DMD: variants seen among roughly 807,000 people sequenced by gnomAD.
DMD encodes the protein dystrophin, also known as mutant dystrophin.
A neutral mutation model predicts 330.1 loss-of-function variants in DMD; 63 were observed. The observed-to-expected ratio is 0.19, with a 90% confidence interval of 0.16 to 0.24. The LOEUF (loss-of-function observed/expected upper bound fraction) is 0.24. DMD is among the 10% of genes least tolerant of loss of function. DMD has a pLI of 1.00. For synonymous variants in DMD, 1,223 were observed against 959.8 expected (o/e 1.27, Z -5.07); for missense variants, 3,344 against 2,684.1 (o/e 1.25, Z -5.43).
intron 47 of DMD, among the ~76,000 whole-genome samples, chrX:31,885,559 G>A (rs1332812470): frequency 2.1e-5 from 2 of 97,132 alleles, no homozygotes; most frequent in East Asian, 3.2e-4. Context: ...GCAGTGAGCC[G>A]AGATCGCGCC....
intron 51 of DMD, among the ~76,000 whole-genome samples, chrX:31,767,418 G>GC (rs201646743): frequency 2.5e-4 from 22 of 87,656 alleles, no homozygotes; most frequent in Admixed American, 1.6e-3. Context: ...AAGAAGTTGA[G>GC]GGGGGTGGCT....
At chrX:33,323,230 T>C (rs1234206965) in intron 1 of DMD, among the ~76,000 whole-genome samples, 1 of 112,137 alleles carries the variant, frequency 8.9e-6, no homozygotes, top group Non-Finnish European at 1.9e-5. Context: ...TTACATCTAA[T>C]ACTGGTTGGA....
At chrX:31,707,241 A>C (rs1008879492) in intron 52 of DMD, among the ~76,000 whole-genome samples, 5 of 110,940 alleles carry the variant, frequency 4.5e-5, no homozygotes, top group Non-Finnish European at 9.4e-5. Context: ...GAAATAGCTA[A>C]TATGAGATGT....
intron 19 of DMD, among the ~76,000 whole-genome samples, chrX:32,500,752 G>C (rs1430572632): frequency 9.0e-6 from 1 of 111,551 alleles, no homozygotes; most frequent in Non-Finnish European, 1.9e-5. Context: ...ATATTTGTTT[G>C]TTTTCATTTT....
intron 21 of DMD, among the ~76,000 whole-genome samples, chrX:32,477,929 G>A (rs766974981): frequency 1.8e-5 from 2 of 111,392 alleles, no homozygotes; most frequent in African/African-American, 3.2e-5. Flanking sequence ...ACCAGATATT[G>A]GACAGTTCAT....
intron 2 of DMD, among the ~76,000 whole-genome samples, chrX:32,958,199 G>C (rs1311405259): frequency 9.0e-6 from 1 of 111,400 alleles, no homozygotes; most frequent in African/African-American, 3.3e-5. Flanking sequence ...GTAGCTATCT[G>C]TGTTTATGGT....
At chrX:31,968,624 A>T in intron 44 of DMD, 110 bp from the exon 45 acceptor site, 1 of 846,820 alleles carries the variant, frequency 1.2e-6, no homozygotes, top group Non-Finnish European at 1.7e-6. Flanking sequence ...AGAAAGAAAT[A>T]CAAAAGCTCC....
At chrX:32,051,366 C>T (rs2096113595) in intron 44 of DMD, among the ~76,000 whole-genome samples, 1 of 109,963 alleles carries the variant, frequency 9.1e-6, no homozygotes, top group Non-Finnish European at 1.9e-5. Flanking sequence ...TTTTTAATTT[C>T]AATTATGTAT....
chrX:32,604,497 A>G (rs138472006), intron 12 of DMD, among the ~76,000 whole-genome samples: 2 of 110,167 alleles, frequency 1.8e-5, no homozygotes, highest in South Asian at 7.8e-4. Flanking sequence ...CTACAACAAG[A>G]CAAGGATACC....
At chrX:33,051,644 C>CTTTTTTTTTTT (rs1569551755) in intron 1 of DMD, among the ~76,000 whole-genome samples, 1 of 80,703 alleles carries the variant, frequency 1.2e-5, no homozygotes, top group African/African-American at 6.1e-5. Context: ...TAATTACGCT[C>CTTTTTTTTTTT]TATTTTTTTT....
chrX:32,479,632 T>C (rs2041620157), intron 21 of DMD, among the ~76,000 whole-genome samples: 1 of 110,152 alleles, frequency 9.1e-6, no homozygotes, highest in African/African-American at 3.3e-5. Flanking sequence ...TTAAAGACTG[T>C]ATAGTATTCC....
chrX:32,272,923 T>C (rs1302523919), intron 43 of DMD, among the ~76,000 whole-genome samples: 1 of 106,327 alleles, frequency 9.4e-6, no homozygotes, highest in African/African-American at 3.9e-5. Context: ...GCTAATTAAA[T>C]TTAGGTAACT....
rs1311803903 is a variant in DMD, at chrX:32,942,114, T to G, written c.93+78025A>C. On this transcript the variant is annotated intron_variant, in intron 2 of 78. Transcript: ENST00000357033. ...ATTCTCTTACCTTTTGAGAAGGGAGTGTGTGCGTGTCTACGTGTACATAAG... is the reference window on the plus strand; with the variant it reads ...ATTCTCTTACCTTTTGAGAAGGGAGGGTGTGCGTGTCTACGTGTACATAAG... Among the ~76,000 whole-genome samples the G allele has an allele frequency of 2.7e-5, 3 of 111,405 alleles. No individual in the cohort carries two copies. In the East Asian group the frequency reaches 8.5e-4, roughly 31 times the overall value.
intron 60 of DMD, among the ~76,000 whole-genome samples, chrX:31,377,532 A>G (rs1373321316): frequency 1.8e-5 from 2 of 112,458 alleles, no homozygotes; most frequent in Non-Finnish European, 3.8e-5. Flanking sequence ...ACTAGCTTAA[A>G]TAAGTTAACT....
rs755161041 is a variant in DMD at position 32,498,476 on chromosome X, A to T, written c.2380+3279T>A. Among the ~76,000 whole-genome samples, 3 of 110,764 alleles carry T rather than the reference A, an allele frequency of 2.7e-5. No homozygotes were observed. In the East Asian group the frequency reaches 8.5e-4, roughly 31 times the overall value. On this transcript the variant is annotated intron_variant, in intron 19 of 78. Transcript: ENST00000357033. The stretch of plus-strand genomic sequence containing the variant: ...TTCTCTTTTTAGTCTATGATCGTGA[A>T]AGATCACTTCTACTCTGACCAAAAG...
intron 2 of DMD, among the ~76,000 whole-genome samples, chrX:32,874,350 G>T (rs1417568866): frequency 4.5e-5 from 5 of 111,000 alleles, no homozygotes; most frequent in Admixed American, 9.5e-5. Context: ...GTAGAAGAAT[G>T]AACGGTCAGC....
intron 44 of DMD, among the ~76,000 whole-genome samples, chrX:32,096,824 C>G (rs1271889664): frequency 9.0e-6 from 1 of 111,707 alleles, no homozygotes; most frequent in East Asian, 2.8e-4. Flanking sequence ...TTTTCGGAGA[C>G]TTTAGCATGA....
intron 7 of DMD, among the ~76,000 whole-genome samples, chrX:32,731,234 T>C (rs938204835): frequency 3.6e-5 from 4 of 112,309 alleles, no homozygotes; most frequent in Non-Finnish European, 5.6e-5. Context: ...CAGGAGATTA[T>C]ATCCTGCATC....
chrX:33,273,398 A>G (rs758670854), intron 1 of DMD, among the ~76,000 whole-genome samples: 8 of 112,600 alleles, frequency 7.1e-5, no homozygotes, highest in African/African-American at 9.7e-5. Flanking sequence ...TTTACATCCC[A>G]TTGTTTTCAT....
Sources: gnomAD v4.1 joint callset for allele counts (sites outside exome capture counted in the v4.1 genomes callset) on GRCh38, gnomAD v4.1.1 for gene constraint, MANE v1.5 for transcripts, NCBI Gene and HGNC (gene_info 2026-07-23, HGNC 2026-07-21) for gene names.